Variants in SGPP1 observed in about 807,000 individuals in gnomAD.
The protein encoded by SGPP1 is hSPP1.
SGPP1 carries 21 observed loss-of-function variants against 33.0 expected under a neutral mutation model. That is an observed-to-expected ratio of 0.64 (90% CI 0.45 to 0.92). The LOEUF is 0.92. Among genes scored for constraint, SGPP1 ranks in the 40% least tolerant of loss-of-function variants. The pLI is 0.00. For missense variants in SGPP1, 543 were observed against 589.4 expected (o/e 0.92, Z 0.81); for synonymous variants, 239 against 241.2 (o/e 0.99, Z 0.08).
chr14:63,686,375 T>A lies in SGPP1; in HGVS notation c.1056A>T (p.Leu352Phe), dbSNP rs1303709204. 6.2e-7 allele frequency: 1 copy of A among 1,614,156 alleles called. No individual in the cohort carries two copies. The highest frequency in any genetic ancestry group is 1.3e-5 in the African/African-American group (1 of 75,034). Residue 352 changes from leucine (L) to phenylalanine (F), a missense_variant, in exon 3 of 3, where the codon TTA (leucine) becomes TTT (phenylalanine). Physicochemically the swap from Leu to Phe is conservative, Grantham distance 22. Coordinates refer to ENST00000247225, the MANE Select transcript of SGPP1 (RefSeq NM_030791.4). ...VLDPSLDTLP[L>F]AGPPITVTLF... ...GAGTCACAGTAATGGGGGGCCCAGCTAAAGGTAATGTATCTAGAGAAGGAT... is the reference window on the plus strand; with the variant it reads ...GAGTCACAGTAATGGGGGGCCCAGCAAAAGGTAATGTATCTAGAGAAGGAT...
chr14:63,724,076 C>T (rs1000422426), intron 1 of SGPP1, among the ~76,000 whole-genome samples: 3 of 151,876 alleles, frequency 2.0e-5, no homozygotes, highest in Non-Finnish European at 4.4e-5. Flanking sequence ...GACAGGGTCT[C>T]GCTATATTGC....
At chr14:63,703,817 T>G (rs1885351575) in intron 1 of SGPP1, among the ~76,000 whole-genome samples, 1 of 146,490 alleles carries the variant, frequency 6.8e-6, no homozygotes, top group Admixed American at 6.7e-5. Flanking sequence ...TTTTTTTTTT[T>G]TTTTTTGGCG....
At chr14:63,696,113 C>T (rs563846555) in intron 2 of SGPP1, among the ~76,000 whole-genome samples, 11 of 152,230 alleles carry the variant, frequency 7.2e-5, no homozygotes, top group African/African-American at 1.7e-4. Flanking sequence ...CATGATGAAA[C>T]CCTGTTTCTA....
chr14:63,690,632 G>C (rs1885075451), intron 2 of SGPP1, among the ~76,000 whole-genome samples: 1 of 152,302 alleles, frequency 6.6e-6, no homozygotes, highest in South Asian at 2.1e-4. Context: ...TTGTCTAGCA[G>C]AATCTACCAA....
intron 1 of SGPP1, among the ~76,000 whole-genome samples, chr14:63,701,615 A>G (rs373709146): frequency 3.9e-5 from 6 of 152,260 alleles, no homozygotes; most frequent in African/African-American, 1.4e-4. Flanking sequence ...GCCATAGCAG[A>G]GAGAGCAAGT....
At chr14:63,714,280 T>C (rs536097493) in intron 1 of SGPP1, among the ~76,000 whole-genome samples, 17 of 152,368 alleles carry the variant, frequency 1.1e-4, no homozygotes, top group African/African-American at 3.8e-4. Context: ...CTGGCCCATG[T>C]GGTTTTTGAT....
chr14:63,691,665 G>A (rs1347562941), intron 2 of SGPP1, among the ~76,000 whole-genome samples: 13 of 152,108 alleles, frequency 8.5e-5, no homozygotes, highest in Admixed American at 8.5e-4. Context: ...TGATGCCTGG[G>A]ACAATATTCA....
At chr14:63,694,977 C>G (rs925795509) in intron 2 of SGPP1, among the ~76,000 whole-genome samples, 1 of 152,072 alleles carries the variant, frequency 6.6e-6, no homozygotes, top group Non-Finnish European at 1.5e-5. Flanking sequence ...ACTGATCAAA[C>G]CTAGAGAGGC....
At chr14:63,707,629 G>A (rs557687879) in intron 1 of SGPP1, among the ~76,000 whole-genome samples, 10 of 150,926 alleles carry the variant, frequency 6.6e-5, no homozygotes, top group East Asian at 1.9e-4. Flanking sequence ...TCCGCCTCCC[G>A]GGTTCAAGCA....
chr14:63,685,329 T>C lies in SGPP1; in HGVS notation c.*776A>G, dbSNP rs952768542. 2.6e-5 allele frequency: 4 copies of C among 152,528 alleles called. No homozygotes were observed. Among genetic ancestry groups the C allele is most frequent in the African/African-American group, 4.8e-5 (2 of 41,458 alleles). The allele number at this position is 152,528 out of a possible 1,614,324, so 9.4% of individuals were successfully genotyped here. On this transcript the variant is annotated 3_prime_UTR_variant, in exon 3 of 3. Coordinates refer to ENST00000247225, the MANE Select transcript of SGPP1 (RefSeq NM_030791.4). ...TCTTATTTTTACATCACAGTACACA[T>C]AGCATTTCTTAATTTAGCAACGGAA...
chr14:63,695,578 TAACA>T (rs1027572186), intron 2 of SGPP1, among the ~76,000 whole-genome samples: 4 of 152,168 alleles, frequency 2.6e-5, no homozygotes, highest in Non-Finnish European at 5.9e-5. Context: ...AGATAAACAA[TAACA>T]AACAGTTTTT....
intron 1 of SGPP1, among the ~76,000 whole-genome samples, chr14:63,713,675 T>C: frequency 6.6e-6 from 1 of 152,228 alleles, no homozygotes; most frequent in East Asian, 1.9e-4. Context: ...ACATTTTTGG[T>C]TGTATGTGGG....
chr14:63,708,624 T>C (rs1885464021), intron 1 of SGPP1, among the ~76,000 whole-genome samples: 1 of 152,168 alleles, frequency 6.6e-6, no homozygotes, highest in East Asian at 1.9e-4. Context: ...AATTCAATTC[T>C]AGGCAGACAT....
intron 2 of SGPP1, among the ~76,000 whole-genome samples, chr14:63,688,552 T>C (rs1285643188): frequency 1.3e-5 from 2 of 151,976 alleles, no homozygotes; most frequent in Non-Finnish European, 2.9e-5. Flanking sequence ...ATTTCTACCT[T>C]ACAACAAAAC....
At chr14:63,719,748 T>C (rs1203479677) in intron 1 of SGPP1, among the ~76,000 whole-genome samples, 8 of 151,718 alleles carry the variant, frequency 5.3e-5, no homozygotes, top group Admixed American at 1.3e-4. Flanking sequence ...TATATATATA[T>C]AGAATTAATT....
At chr14:63,697,626 G>A (rs1885213259) in intron 2 of SGPP1, among the ~76,000 whole-genome samples, 2 of 152,146 alleles carry the variant, frequency 1.3e-5, no homozygotes, top group Non-Finnish European at 1.5e-5. Context: ...TTGCAATTTA[G>A]GATAAGTGGG....
intron 1 of SGPP1, among the ~76,000 whole-genome samples, chr14:63,707,123 C>G (rs1162529502): frequency 6.6e-6 from 1 of 150,532 alleles, no homozygotes; most frequent in Non-Finnish European, 1.5e-5. Flanking sequence ...TTAAAACATT[C>G]TCAATCTACG....
intron 2 of SGPP1, among the ~76,000 whole-genome samples, chr14:63,694,534 C>A (rs1007427262): frequency 6.6e-6 from 1 of 152,018 alleles, no homozygotes; most frequent in Non-Finnish European, 1.5e-5. Flanking sequence ...AATCTGCTTC[C>A]TTTTCTGTTT....
rs542081307 is a variant in SGPP1, at chr14:63,684,359, T to A, written c.*1746A>T. ...TCAACAGGATAGCATAGGCCCAAAT[T>A]ATGGGAAACGGTCCCTAAAATTCAA... is the stretch of plus-strand genomic sequence containing the variant. On this transcript the variant is annotated 3_prime_UTR_variant, in exon 3 of 3. Transcript: ENST00000247225. 1 of 152,230 alleles carries A rather than the reference T, an allele frequency of 6.6e-6. No individual in the cohort carries two copies. Among genetic ancestry groups the A allele is most frequent in the South Asian group, 2.1e-4 (1 of 4,828 alleles). The allele number at this position is 152,230 out of a possible 1,614,324, so 9.4% of individuals were successfully genotyped here. A position where few individuals can be genotyped will look rare whatever the true frequency, so the allele number is the denominator to read the frequency against.
Sources: gnomAD v4.1 joint callset for allele counts (sites outside exome capture counted in the v4.1 genomes callset) on GRCh38, gnomAD v4.1.1 for gene constraint, MANE v1.5 for transcripts, NCBI Gene and HGNC (gene_info 2026-07-23, HGNC 2026-07-21) for gene names.